The following STIM2 variants were observed in gnomAD, a reference collection of about 807,000 sequenced individuals.
STIM2 encodes the protein stromal interaction molecule 2.
Under a neutral mutation model 85.8 loss-of-function variants are expected in STIM2, and 31 were observed. The observed-to-expected ratio is 0.36, with a 90% CI of 0.27 to 0.49. The LOEUF is 0.49. Ranked by LOEUF, STIM2 falls within the 20% of genes least tolerant of loss-of-function variation. STIM2 has a pLI of 0.98. For synonymous variants in STIM2, 356 were observed against 331.1 expected (o/e 1.08, Z -0.82); for missense variants, 841 against 927.6 (o/e 0.91, Z 1.21).
intron 3 of STIM2, among the ~76,000 whole-genome samples, chr4:26,979,471 CT>C (rs1727305327): frequency 6.6e-6 from 1 of 152,134 alleles, no homozygotes; most frequent in Non-Finnish European, 1.5e-5. Flanking sequence ...TGTACTGAAG[CT>C]TAAGAACGTG....
chr4:26,884,847 C>T (rs1363680889), intron 1 of STIM2, among the ~76,000 whole-genome samples: 3 of 152,050 alleles, frequency 2.0e-5, no homozygotes, highest in African/African-American at 7.2e-5. Flanking sequence ...TAACGGAGAC[C>T]CAGAGAGGTT....
intron 2 of STIM2, among the ~76,000 whole-genome samples, chr4:26,927,726 C>T (rs373925279): frequency 1.9e-5 from 1 of 51,530 alleles, no homozygotes; most frequent in African/African-American, 6.8e-5. Context: ...AAAAAAAAAA[C>T]TGACTGAACT....
intron 1 of STIM2, chr4:26,873,593 GT>G: frequency 2.1e-6 from 1 of 475,198 alleles, no homozygotes. Flanking sequence ...TGGGTGTGAA[GT>G]TTTGGTGATC....
chr4:26,919,724 G>T lies in STIM2; in HGVS notation c.282+90G>T. On this transcript the variant is annotated intron_variant, in intron 2 of 11. Transcript: ENST00000467087. ...TCTTCAATTTTCTCTTTCCTCATGT[G>T]GCTCATTGCCTTCATCTTCAACATC... The T allele has an allele frequency of 9.7e-6, 14 of 1,446,696 alleles. No individual in the cohort carries two copies. In the South Asian group the frequency reaches 1.4e-4, roughly 14 times the overall value. 89.6% of individuals were successfully genotyped at this position (1,446,696 alleles called of 1,614,324 possible).
chr4:26,984,327 A>T (rs768240580), intron 3 of STIM2, among the ~76,000 whole-genome samples: 1 of 152,196 alleles, frequency 6.6e-6, no homozygotes, highest in Non-Finnish European at 1.5e-5. Flanking sequence ...CTGCAGAACA[A>T]CCATATGATT....
chr4:26,884,965 T>C (rs1723160308), intron 1 of STIM2, among the ~76,000 whole-genome samples: 1 of 152,206 alleles, frequency 6.6e-6, no homozygotes, highest in Non-Finnish European at 1.5e-5. Flanking sequence ...CTTGACTCCT[T>C]TGAATTATAA....
At chr4:26,959,245 T>C (rs115798904) in intron 3 of STIM2, among the ~76,000 whole-genome samples, 2 of 152,282 alleles carry the variant, frequency 1.3e-5, no homozygotes, top group African/African-American at 4.8e-5. Context: ...ATTCCATGCA[T>C]CTCTCTCGCT....
chr4:27,023,255 A>G lies in STIM2; in HGVS notation c.*259A>G, dbSNP rs1728974268. On this transcript the variant is annotated 3_prime_UTR_variant, in exon 12 of 12. Transcript: ENST00000467087. ...AGACAGTTTACAGTCATTTCTGCCTATTTATTTCTGCTTTGTTCTCAGTGA... is the reference window on the plus strand; with the variant it reads ...AGACAGTTTACAGTCATTTCTGCCTGTTTATTTCTGCTTTGTTCTCAGTGA... The G allele has an allele frequency of 4.6e-6, 2 of 433,828 alleles. No homozygotes were observed. The highest frequency in any genetic ancestry group is 8.1e-5 in the East Asian group (2 of 24,764). The allele number at this position is 433,828 out of a possible 1,614,324, so 26.9% of individuals were successfully genotyped here. A position where few individuals can be genotyped will look rare whatever the true frequency, so the allele number is the denominator to read the frequency against.
At chr4:26,986,040 C>CGTAGTT (rs1165906316) in intron 3 of STIM2, among the ~76,000 whole-genome samples, 1 of 152,168 alleles carries the variant, frequency 6.6e-6, no homozygotes, top group Non-Finnish European at 1.5e-5. Context: ...TAAGAGTTGG[C>CGTAGTT]CTTTGAACTC....
In STIM2 at chr4:26,874,313, G is replaced by A. The variant is rs186410535; in HGVS notation, c.151+12944G>A. The A allele has an allele frequency of 5.0e-4, 181 of 365,548 alleles. 1 individual carries two copies. The highest frequency in any genetic ancestry group is 3.5e-3 in the African/African-American group (163 of 46,826). 22.6% of individuals were successfully genotyped at this position (365,548 alleles called of 1,614,324 possible). On this transcript the variant is annotated intron_variant, in intron 1 of 11. Transcript: ENST00000467087. ...TCCTGGTACTGGAGAGATCTCCGGC[G>A]CACAGAGGCCCCTACACCCTGCCGC...
chr4:26,911,565 T>C (rs1724340231), intron 1 of STIM2, among the ~76,000 whole-genome samples: 1 of 152,288 alleles, frequency 6.6e-6, no homozygotes, highest in Admixed American at 6.5e-5. Flanking sequence ...GTAAAGTCTG[T>C]CTCCTTTAAT....
At chr4:26,866,489 C>T (rs1722413596) in intron 1 of STIM2, among the ~76,000 whole-genome samples, 2 of 152,218 alleles carry the variant, frequency 1.3e-5, no homozygotes, top group South Asian at 2.1e-4. Flanking sequence ...TTGAGCTGGA[C>T]CTTGATGTAT....
At chr4:26,993,224 T>G (rs756050276) in intron 3 of STIM2, among the ~76,000 whole-genome samples, 154 of 152,098 alleles carry the variant, frequency 1.0e-3, no homozygotes, top group Non-Finnish European at 1.9e-3. Flanking sequence ...AAGTCTACTT[T>G]GAATGCACTA....
chr4:26,878,153 A>G (rs1722879317), intron 1 of STIM2, among the ~76,000 whole-genome samples: 1 of 152,174 alleles, frequency 6.6e-6, no homozygotes, highest in African/African-American at 2.4e-5. Flanking sequence ...CCTGTTCTAT[A>G]GTGGATTCTT....
At chr4:26,922,795 C>G (rs1013377602) in intron 2 of STIM2, among the ~76,000 whole-genome samples, 96 of 152,266 alleles carry the variant, frequency 6.3e-4, no homozygotes, top group Non-Finnish European at 5.0e-4. Context: ...TCCTAAATCA[C>G]TTTGTTAGCA....
intron 10 of STIM2, among the ~76,000 whole-genome samples, chr4:27,015,834 A>G (rs1728712959): frequency 6.8e-6 from 1 of 147,438 alleles, no homozygotes; most frequent in Admixed American, 6.7e-5. Context: ...CTTGAATCTG[A>G]AGGATGTGTC....
intron 1 of STIM2, among the ~76,000 whole-genome samples, chr4:26,875,324 T>C (rs868755059): frequency 3.3e-5 from 5 of 152,216 alleles, no homozygotes; most frequent in South Asian, 2.1e-4. Flanking sequence ...ACCAAACTTA[T>C]ATATGAATAA....
intron 1 of STIM2, among the ~76,000 whole-genome samples, chr4:26,891,502 CAT>C (rs776379541): frequency 9.9e-5 from 15 of 151,762 alleles, no homozygotes; most frequent in South Asian, 2.1e-4. Flanking sequence ...TATTTATACA[CAT>C]ATATGTGTGT....
At position 26,860,973 on chromosome 4, in the gene STIM2, A is replaced by G. The variant is rs2109417158; in HGVS notation, c.-246A>G. On this transcript the variant is annotated 5_prime_UTR_variant, in exon 1 of 12. Transcript: ENST00000467087. ...ACCGGAACCAATGAACGCAGCCGGGATCAGAGCTCCGGAGGCCGCCGGTGC... is the reference window on the plus strand; with the variant it reads ...ACCGGAACCAATGAACGCAGCCGGGGTCAGAGCTCCGGAGGCCGCCGGTGC... 1 of 1,261,552 alleles carries G rather than the reference A, an allele frequency of 7.9e-7. No individual in the cohort carries two copies. 78.1% of individuals were successfully genotyped at this position (1,261,552 alleles called of 1,614,324 possible).
Sources: gnomAD v4.1 joint callset for allele counts (sites outside exome capture counted in the v4.1 genomes callset) on GRCh38, gnomAD v4.1.1 for gene constraint, MANE v1.5 for transcripts, NCBI Gene and HGNC (gene_info 2026-07-23, HGNC 2026-07-21) for gene names.